The following STAB2 variants were observed in gnomAD, a reference collection of about 807,000 sequenced individuals.
STAB2 encodes stabilin-2.
A neutral mutation model predicts 338.1 loss-of-function variants in STAB2; 288 were observed. The ratio of observed to expected loss-of-function variants is 0.85; its 90% CI spans 0.77 to 0.94. The LOEUF is 0.94. STAB2 is among the 40% of genes least tolerant of loss of function. The pLI, the probability that STAB2 is intolerant of heterozygous loss-of-function variation, is 0.00. For missense variants in STAB2, 3,141 were observed against 3,210.1 expected (o/e 0.98, Z 0.52); for synonymous variants, 1,202 against 1,193.3 (o/e 1.01, Z -0.15).
chr12:103,725,519 C>T (rs765535797), intron 45 of STAB2, among the ~76,000 whole-genome samples: 2 of 152,164 alleles, frequency 1.3e-5, no homozygotes, highest in Non-Finnish European at 2.9e-5. Flanking sequence ...ATTACCATGG[C>T]GTGGATTGCA....
At chr12:103,660,238 C>T in intron 15 of STAB2, 93 bp from the exon 16 acceptor site, 1 of 1,338,152 alleles carries the variant, frequency 7.5e-7, no homozygotes, top group Non-Finnish European at 1.1e-6. Context: ...GGTCATTTTT[C>T]TTGATTGTCT....
intron 9 of STAB2, among the ~76,000 whole-genome samples, chr12:103,646,100 G>C (rs758978928): frequency 1.7e-4 from 26 of 152,288 alleles, no homozygotes; most frequent in Admixed American, 4.6e-4. Context: ...TTGGATCCAG[G>C]AGGCAGAGGT....
chr12:103,668,855 G>A, intron 20 of STAB2, 126 bp downstream of exon 20: 1 of 767,774 alleles, frequency 1.3e-6, no homozygotes, highest in South Asian at 1.9e-5. Flanking sequence ...TTCCTGCAGA[G>A]GAATCAAAGG....
chr12:103,762,267 T>C lies in STAB2; in HGVS notation c.7360-7T>C, dbSNP rs770349637. On this transcript the variant is annotated splice_polypyrimidine_tract_variant and splice_region_variant and intron_variant, in intron 66 of 68. Transcript: ENST00000388887. ...AGAATGGGCCCCTTTCCTTTCTTTG[T>C]GTTCAGACCTTGACCCACACTGGCT... 8 of 1,613,466 alleles carry C rather than the reference T, an allele frequency of 5.0e-6. No individual in the cohort carries two copies. The highest frequency in any genetic ancestry group is 8.5e-7 in the Non-Finnish European group (1 of 1,179,862).
At chr12:103,599,142 G>A (rs1845373) in intron 3 of STAB2, among the ~76,000 whole-genome samples, 1 of 152,102 alleles carries the variant, frequency 6.6e-6, no homozygotes, top group African/African-American at 2.4e-5. Context: ...CTAGCACTGT[G>A]CACCAAGCTT....
rs1049589378 is a variant in STAB2, at chr12:103,677,385, T to C, written c.2647-68T>C. 8.7e-6 allele frequency: 12 copies of C among 1,385,402 alleles called. No homozygotes were observed. The East Asian group carries it at 1.5e-4, about 18-fold the overall frequency. The allele number at this position is 1,385,402 out of a possible 1,614,324, so 85.8% of individuals were successfully genotyped here. On this transcript the variant is annotated intron_variant, in intron 24 of 68. Transcript: ENST00000388887. ...CTGGAACATATGTCTGGAAATTCTC[T>C]CTTATTTTTGGAATCATGTGGCTGG... is the stretch of plus-strand genomic sequence containing the variant.
intron 50 of STAB2, 71 bp downstream of exon 50, chr12:103,731,706 T>C: frequency 6.6e-7 from 1 of 1,511,002 alleles, no homozygotes; most frequent in Non-Finnish European, 9.1e-7. Context: ...TGTTTTGTTG[T>C]TGTTTCTGTT....
At chr12:103,762,513 G>A (rs1566086979) in intron 67 of STAB2, 111 bp downstream of exon 67, 2 of 1,537,322 alleles carry the variant, frequency 1.3e-6, no homozygotes, top group East Asian at 2.3e-5. Context: ...CAGAAGCAGT[G>A]TGTCACACAG....
intron 43 of STAB2, among the ~76,000 whole-genome samples, chr12:103,716,230 A>C (rs1426837228): frequency 6.6e-6 from 1 of 152,232 alleles, no homozygotes; most frequent in Non-Finnish European, 1.5e-5. Flanking sequence ...TCTTTGGCTT[A>C]AGGCTCTGAA....
At chr12:103,663,800 G>A (rs1047291170) in intron 18 of STAB2, among the ~76,000 whole-genome samples, 1 of 152,164 alleles carries the variant, frequency 6.6e-6, no homozygotes, top group Non-Finnish European at 1.5e-5. Context: ...CAAGTTTTTG[G>A]AAAGATATTA....
chr12:103,706,643 C>G (rs905243303), intron 37 of STAB2, 149 bp from the exon 38 acceptor site: 23 of 1,007,332 alleles, frequency 2.3e-5, no homozygotes, highest in Non-Finnish European at 3.2e-5. Flanking sequence ...ACCCAGTCCC[C>G]AGAGGGTCCT....
At chr12:103,627,254 C>A (rs1331571970) in intron 5 of STAB2, among the ~76,000 whole-genome samples, 1 of 152,136 alleles carries the variant, frequency 6.6e-6, no homozygotes, top group Non-Finnish European at 1.5e-5. Context: ...ACACACCAGA[C>A]AGGTGAAGTG....
chr12:103,659,621 G>A (rs574006106), intron 15 of STAB2, among the ~76,000 whole-genome samples: 4 of 152,348 alleles, frequency 2.6e-5, no homozygotes, highest in Middle Eastern at 3.4e-3. Flanking sequence ...CTCACAAAGA[G>A]TGTGGTCCCT....
rs565262813 is a variant in STAB2 at position 103,607,669 on chromosome 12, G to A, written c.332-12799G>A. On this transcript the variant is annotated intron_variant, in intron 3 of 68. Transcript: ENST00000388887. ...TTTTGTCCTTGTGATAGTTTGCTGA[G>A]AGTGATGGTTTCCAGCTTCATCCAT... Among the ~76,000 whole-genome samples, 595 of 152,200 alleles carry A rather than the reference G, an allele frequency of 3.9e-3. 2 individuals carry two copies. Among genetic ancestry groups the A allele is most frequent in the Non-Finnish European group, 5.3e-3 (363 of 68,022 alleles).
At chr12:103,668,145 T>G (rs1421028032) in intron 19 of STAB2, among the ~76,000 whole-genome samples, 1 of 152,220 alleles carries the variant, frequency 6.6e-6, no homozygotes, top group East Asian at 1.9e-4. Context: ...TTCTAGATAA[T>G]TATGAGTGGG....
chr12:103,620,416 A>G (rs1312955920), intron 3 of STAB2, 52 bp from the exon 4 acceptor site: 1 of 1,483,010 alleles, frequency 6.7e-7, no homozygotes, highest in African/African-American at 1.4e-5. Context: ...ATCCTTGCAG[A>G]ATGCTTGTGT....
rs140834161 is a variant in STAB2, at chr12:103,657,226, TAAA to T, written c.1734+1663_1734+1665del. On this transcript the variant is annotated intron_variant, in intron 15 of 68. Transcript: ENST00000388887. Reference sequence around the variant, plus strand: ...ACTCACATTCATACTTAAAGTGAGCTAAAAAAAAAAAAAAAAAAAAGGTAATGT... The same window carrying T: ...ACTCACATTCATACTTAAAGTGAGCTAAAAAAAAAAAAAAAAAGGTAATGT... 1.9e-3 allele frequency among the ~76,000 whole-genome samples: 224 copies of T among 116,362 alleles called. 1 individual carries two copies. The highest frequency in any genetic ancestry group is 5.3e-3 in the African/African-American group (163 of 30,624). 76.3% of individuals were successfully genotyped at this position (116,362 alleles called of 152,430 possible). A position where few individuals can be genotyped will look rare whatever the true frequency, so the allele number is the denominator to read the frequency against.
chr12:103,666,456 C>A, intron 19 of STAB2, 103 bp downstream of exon 19: 1 of 1,238,446 alleles, frequency 8.1e-7, no homozygotes, highest in Non-Finnish European at 1.2e-6. Flanking sequence ...TTAATTGCAG[C>A]TGGGGTAATA....
intron 34 of STAB2, 123 bp from the exon 35 acceptor site, chr12:103,703,025 A>G (rs531565588): frequency 5.4e-5 from 61 of 1,128,332 alleles, no homozygotes; most frequent in Non-Finnish European, 7.4e-5. Flanking sequence ...AGTGACTATT[A>G]TATCTCCAGG....
Sources: gnomAD v4.1 joint callset for allele counts (sites outside exome capture counted in the v4.1 genomes callset) on GRCh38, gnomAD v4.1.1 for gene constraint, MANE v1.5 for transcripts, NCBI Gene and HGNC (gene_info 2026-07-23, HGNC 2026-07-21) for gene names.